Variants in PREX1 observed in about 807,000 individuals in gnomAD.
PREX1 encodes the protein phosphatidylinositol-3,4,5-trisphosphate dependent Rac exchange factor 1, also known as phosphatidylinositol 3,4,5-trisphosphate-dependent Rac exchanger 1 protein.
In PREX1, 41 loss-of-function variants were observed where a neutral mutation model predicts 198.3. The observed-to-expected ratio is 0.21, with a 90% CI of 0.16 to 0.27. The LOEUF is 0.27. Ranked by LOEUF, PREX1 falls within the 10% of genes least tolerant of loss-of-function variation. The pLI, the probability that PREX1 is intolerant of heterozygous loss-of-function variation, is 1.00. For missense variants in PREX1, 1,620 were observed against 2,200.7 expected, an observed-to-expected ratio of 0.74 and a Z score of 5.28; for synonymous variants, 843 against 887.2, an observed-to-expected ratio of 0.95 and a Z score of 0.89.
chr20:48,734,237 G>A (rs1003773254), intron 4 of PREX1, among the ~76,000 whole-genome samples: 1 of 152,154 alleles, frequency 6.6e-6, no homozygotes, highest in Admixed American at 6.5e-5. Flanking sequence ...CCCTCTGCCT[G>A]TTTTTGTAAA....
chr20:48,649,421 G>A lies in PREX1; in HGVS notation c.3184C>T (p.Arg1062Trp), dbSNP rs186606574. The change falls in exon 25 of 40, where the codon CGG becomes TGG. Residue 1062 changes from arginine (R) to tryptophan (W), a missense_variant. Around this residue, in one of 7 missense-constraint regions of PREX1, gnomAD observed 514 missense variants for 611.6 expected, o/e 0.84. Coordinates refer to ENST00000371941, the MANE Select transcript of PREX1 (RefSeq NM_020820.4). ...TGCTTGAGTAGGAAGCTGAGGCCCC[G>A]GTCTTCCTGACCAAGGGTCCCACTG... ...PASGTLGQED[R>W]GLSFLLKQED... is the part of the protein sequence containing the mutation. 25 of 1,614,126 alleles carry A rather than the reference G, an allele frequency of 1.5e-5. No individual in the cohort carries two copies. Among genetic ancestry groups the A allele is most frequent in the East Asian group, 4.5e-5 (2 of 44,884 alleles).
chr20:48,670,309 C>T (rs993253916), intron 14 of PREX1, among the ~76,000 whole-genome samples: 2 of 152,014 alleles, frequency 1.3e-5, no homozygotes, highest in Non-Finnish European at 2.9e-5. Context: ...TCTGCCCCTG[C>T]CCCTGCTGAG....
intron 17 of PREX1, 71 bp downstream of exon 17, chr20:48,658,060 CCTCAA>C: frequency 5.0e-6 from 7 of 1,396,670 alleles, no homozygotes; most frequent in Non-Finnish European, 6.9e-6. Flanking sequence ...GGCTGGGCTG[CCTCAA>C]GGAGGGTGAA....
At chr20:48,648,030 G>A (rs1162565265) in intron 25 of PREX1, among the ~76,000 whole-genome samples, 1 of 152,146 alleles carries the variant, frequency 6.6e-6, no homozygotes, top group African/African-American at 2.4e-5. Context: ...AGCACACTGA[G>A]GAGCTGGGAC....
intron 1 of PREX1, among the ~76,000 whole-genome samples, chr20:48,810,707 C>T (rs905468201): frequency 2.0e-5 from 3 of 151,130 alleles, no homozygotes; most frequent in Non-Finnish European, 4.4e-5. Context: ...GCCAACATAG[C>T]AAAACCCCAT....
At chr20:48,723,193 G>A (rs1042833473) in intron 5 of PREX1, among the ~76,000 whole-genome samples, 1 of 152,152 alleles carries the variant, frequency 6.6e-6, no homozygotes, top group Non-Finnish European at 1.5e-5. Context: ...TCAACATTGT[G>A]TGCCCACCCC....
chr20:48,768,957 T>C (rs1601124370), intron 1 of PREX1, among the ~76,000 whole-genome samples: 1 of 152,120 alleles, frequency 6.6e-6, no homozygotes, highest in Admixed American at 6.5e-5. Context: ...CCCTTTTTTT[T>C]TTTTCAGCAA....
At position 48,636,610 on chromosome 20, in the gene PREX1, CT is replaced by C. The variant is rs866482179; in HGVS notation, c.4019del (p.Lys1340SerfsTer50). On this transcript the variant is annotated frameshift_variant, in exon 32 of 40. Transcript: ENST00000371941. LOFTEE classifies it high-confidence loss of function. ...ALVAAVCTFS[K>X]QLLAALGYRY... ...GGTAGCCCAGGGCCGCCAGCAGCTG[CT>C]TGGAGAAGGTGCACACGGCGGCCAC... is the stretch of plus-strand genomic sequence containing the variant. The C allele has an allele frequency of 6.2e-7, 1 of 1,611,910 alleles. No homozygotes were observed. The highest frequency in any genetic ancestry group is 8.5e-7 in the Non-Finnish European group (1 of 1,179,610).
chr20:48,852,835 A>G, the PREX1 span, among the ~76,000 whole-genome samples: 1 of 152,362 alleles, frequency 6.6e-6, no homozygotes, highest in South Asian at 2.1e-4. Flanking sequence ...TACAGCCTTG[A>G]AAAGTATCAA....
the PREX1 span, among the ~76,000 whole-genome samples, chr20:48,844,121 C>T: frequency 6.6e-6 from 1 of 150,900 alleles, no homozygotes; most frequent in Non-Finnish European, 1.5e-5. Flanking sequence ...GCCTGGGCAA[C>T]ACAGCAAGAC....
In PREX1 at chr20:48,747,821, C is replaced by T; in HGVS notation, c.279G>A (p.Glu93=). 6.2e-7 allele frequency: 1 copy of T among 1,613,318 alleles called. No individual in the cohort carries two copies. The change falls in exon 2 of 40, where the codon GAG becomes GAA. Residue 93 remains glutamate, a synonymous_variant. Transcript: ENST00000371941. Reference sequence around the variant, plus strand: ...CCAGCGTCCACACCTTGACATTCTCCTCCGTGAGGCCCTTCTCCACTGAGT... The same window carrying T: ...CCAGCGTCCACACCTTGACATTCTCTTCCGTGAGGCCCTTCTCCACTGAGT... ...VADSVEKGLT[E]ENVKVLFSNI...
the PREX1 span, among the ~76,000 whole-genome samples, chr20:48,874,616 C>G: frequency 6.6e-6 from 1 of 152,188 alleles, no homozygotes. Context: ...GTGGCTCCCA[C>G]CTGTAATCCC....
At chr20:48,788,644 G>T (rs1227278013) in intron 1 of PREX1, among the ~76,000 whole-genome samples, 1 of 152,178 alleles carries the variant, frequency 6.6e-6, no homozygotes, top group Non-Finnish European at 1.5e-5. Flanking sequence ...TGACTGGTTT[G>T]GGTTTTCAGT....
At chr20:48,822,192 A>G (rs910407948) in intron 1 of PREX1, among the ~76,000 whole-genome samples, 1 of 152,252 alleles carries the variant, frequency 6.6e-6, no homozygotes, top group Non-Finnish European at 1.5e-5. Context: ...TGAGCCCAAC[A>G]CAAGGTGGCC....
chr20:48,649,012 C>T (rs117839275), intron 25 of PREX1, among the ~76,000 whole-genome samples: 2,328 of 152,234 alleles, frequency 0.015, 25 homozygotes, highest in Non-Finnish European at 0.022. Context: ...CACTGATGAG[C>T]GCTGCTATAT....
chr20:48,828,129 C>T (rs893370341), upstream of PREX1, among the ~76,000 whole-genome samples: 55 of 149,782 alleles, frequency 3.7e-4, no homozygotes, highest in African/African-American at 1.0e-3. Flanking sequence ...CTGCCAAGTG[C>T]CACGCCGCGC....
At chr20:48,731,388 T>C (rs1195425153) in intron 4 of PREX1, among the ~76,000 whole-genome samples, 2 of 152,208 alleles carry the variant, frequency 1.3e-5, no homozygotes, top group Admixed American at 1.3e-4. Flanking sequence ...CATCACATTA[T>C]CATTGAAGTT....
chr20:48,780,398 G>C (rs1327122809), intron 1 of PREX1, among the ~76,000 whole-genome samples: 1 of 152,112 alleles, frequency 6.6e-6, no homozygotes, highest in Non-Finnish European at 1.5e-5. Context: ...CAGGAGGACT[G>C]CTTGAGACCA....
chr20:48,867,562 C>G, the PREX1 span, among the ~76,000 whole-genome samples: 1 of 152,170 alleles, frequency 6.6e-6, no homozygotes, highest in African/African-American at 2.4e-5. Context: ...GGTGTAGAGT[C>G]TGCCACTTTT....
Sources: gnomAD v4.1 joint callset for allele counts (sites outside exome capture counted in the v4.1 genomes callset) on GRCh38, gnomAD v4.1.1 for gene constraint, gnomAD v4.1.1 regional missense constraint, MANE v1.5 for transcripts, NCBI Gene and HGNC (gene_info 2026-07-23, HGNC 2026-07-21) for gene names.